Variants in TENM2 observed in about 807,000 individuals in gnomAD.
TENM2 encodes teneurin transmembrane protein 2, also known as teneurin-2.
TENM2 carries 52 observed loss-of-function variants against 245.2 expected under a neutral mutation model. The ratio of observed to expected loss-of-function variants is 0.21; its 90% CI spans 0.17 to 0.27. The LOEUF is 0.27. Ranked by LOEUF, TENM2 falls within the 10% of genes least tolerant of loss-of-function variation. The pLI, the probability that TENM2 is intolerant of heterozygous loss-of-function variation, is 1.00. For synonymous variants in TENM2, 1,363 were observed against 1,438.9 expected, an observed-to-expected ratio of 0.95 and a Z score of 1.19; for missense variants, 3,046 against 3,666.8, an observed-to-expected ratio of 0.83 and a Z score of 4.37.
At chr5:167,695,754 G>A (rs1441892345) in intron 2 of TENM2, among the ~76,000 whole-genome samples, 3 of 151,518 alleles carry the variant, frequency 2.0e-5, no homozygotes, top group African/African-American at 7.3e-5. Context: ...AACAGAATTG[G>A]CTGGGTGCGG....
the TENM2 span, among the ~76,000 whole-genome samples, chr5:167,165,752 A>G: frequency 6.6e-6 from 1 of 152,222 alleles, no homozygotes; most frequent in Non-Finnish European, 1.5e-5. Context: ...ACTGACCACC[A>G]TTGTCAGTGA....
intron 2 of TENM2, among the ~76,000 whole-genome samples, chr5:167,698,946 T>G (rs1191910534): frequency 6.6e-6 from 1 of 152,078 alleles, no homozygotes; most frequent in Non-Finnish European, 1.5e-5. Flanking sequence ...CCTCCCTGAT[T>G]GCTGGGATTA....
At chr5:167,419,483 T>C (rs1227065214) in intron 2 of TENM2, among the ~76,000 whole-genome samples, 1 of 151,952 alleles carries the variant, frequency 6.6e-6, no homozygotes, top group Non-Finnish European at 1.5e-5. Flanking sequence ...TAAATATAGA[T>C]AGATAGATAA....
chr5:167,282,185 A>T (rs1450560739), upstream of TENM2, among the ~76,000 whole-genome samples: 1 of 152,178 alleles, frequency 6.6e-6, no homozygotes, highest in East Asian at 1.9e-4. Context: ...AGATATTGAA[A>T]TTAAAAACTA....
rs765917741 is a variant in TENM2 at position 168,198,974 on chromosome 5, G to A, written c.3022G>A (p.Val1008Met). The change falls in exon 16 of 29, where the codon GTG becomes ATG. Residue 1008 changes from valine to methionine, a missense_variant. Val to Met is a conservative substitution (Grantham distance 21). Coordinates refer to ENST00000518659, the Ensembl canonical transcript of TENM2. Reference sequence around the variant, plus strand: ...CAGCTTTTACGCCATGGACACCCTGGTGATGAAGACCGAGGAGAACTCCAT... The same window carrying A: ...CAGCTTTTACGCCATGGACACCCTGATGATGAAGACCGAGGAGAACTCCAT... The A allele has an allele frequency of 1.7e-5, 27 of 1,613,930 alleles. No homozygotes were observed. In the South Asian group the frequency reaches 2.6e-4, roughly 16 times the overall value.
rs1001043486 is a variant in TENM2 at position 167,752,726 on chromosome 5, C to T, written c.503-123260C>T. On this transcript the variant is annotated intron_variant, in intron 2 of 28. Coordinates refer to ENST00000518659, the Ensembl canonical transcript of TENM2. Reference sequence around the variant, plus strand: ...ACCTATACGTGAGCGTGGCTAGTCACCTAAGCTCTCTGAGTTTCTTTGGAA... The same window carrying T: ...ACCTATACGTGAGCGTGGCTAGTCATCTAAGCTCTCTGAGTTTCTTTGGAA... Among the ~76,000 whole-genome samples the T allele has an allele frequency of 3.9e-5, 6 of 152,306 alleles. No homozygotes were observed. The East Asian group carries it at 1.2e-3, about 29-fold the overall frequency.
chr5:167,088,595 C>T, the TENM2 span, among the ~76,000 whole-genome samples: 1 of 151,854 alleles, frequency 6.6e-6, no homozygotes, highest in South Asian at 2.1e-4. Context: ...CCACTGCACT[C>T]CAGCCTGGGT....
intron 4 of TENM2, among the ~76,000 whole-genome samples, chr5:167,971,801 G>A (rs932853585): frequency 1.3e-5 from 2 of 152,194 alleles, no homozygotes; most frequent in Non-Finnish European, 2.9e-5. Flanking sequence ...GCTGCACAGA[G>A]GCAGAGTTTT....
At chr5:167,063,458 G>A in the TENM2 span, among the ~76,000 whole-genome samples, 3 of 152,120 alleles carry the variant, frequency 2.0e-5, no homozygotes, top group Non-Finnish European at 2.9e-5. Context: ...CTGGAACGAT[G>A]TCTGTGTATC....
chr5:167,383,555 T>A (rs1030426014), intron 2 of TENM2, among the ~76,000 whole-genome samples: 1 of 152,020 alleles, frequency 6.6e-6, no homozygotes, highest in Non-Finnish European at 1.5e-5. Context: ...CCCTCTTCCT[T>A]TCCCAACTTT....
chr5:167,030,090 G>T, the TENM2 span, among the ~76,000 whole-genome samples: 1 of 152,210 alleles, frequency 6.6e-6, no homozygotes, highest in East Asian at 1.9e-4. Flanking sequence ...CTAGGTAATC[G>T]CTGACAACGT....
At chr5:167,023,095 C>A in the TENM2 span, among the ~76,000 whole-genome samples, 127 of 152,262 alleles carry the variant, frequency 8.3e-4, 2 homozygotes, top group African/African-American at 3.0e-3. Flanking sequence ...CTCCCTCCAT[C>A]CCCCTTCTGA....
chr5:167,026,889 G>A, the TENM2 span, among the ~76,000 whole-genome samples: 1 of 152,128 alleles, frequency 6.6e-6, no homozygotes, highest in Non-Finnish European at 1.5e-5. Context: ...CATAGCGAAT[G>A]AGCTACTTGA....
intron 2 of TENM2, among the ~76,000 whole-genome samples, chr5:167,456,513 C>A (rs967480746): frequency 1.6e-4 from 25 of 152,058 alleles, no homozygotes; most frequent in African/African-American, 5.3e-4. Context: ...ATGTACTATG[C>A]CTTTATTCCA....
At chr5:167,095,038 AT>A in the TENM2 span, among the ~76,000 whole-genome samples, 1 of 152,184 alleles carries the variant, frequency 6.6e-6, no homozygotes, top group African/African-American at 2.4e-5. Flanking sequence ...AGAAAAGTAC[AT>A]TATGTACTCT....
intron 2 of TENM2, among the ~76,000 whole-genome samples, chr5:167,433,277 C>G (rs1764357626): frequency 6.6e-6 from 1 of 152,060 alleles, no homozygotes; most frequent in African/African-American, 2.4e-5. Context: ...TGGCCATGTT[C>G]TACAAAGTGT....
intron 24 of TENM2, among the ~76,000 whole-genome samples, chr5:168,227,236 G>T (rs527251460): frequency 1.1e-4 from 16 of 152,190 alleles, no homozygotes; most frequent in Non-Finnish European, 1.5e-4. Flanking sequence ...TGATTGACTC[G>T]TGTAGTTTCC....
At chr5:168,108,859 G>A (rs750522171) in intron 9 of TENM2, among the ~76,000 whole-genome samples, 6 of 151,428 alleles carry the variant, frequency 4.0e-5, no homozygotes, top group Admixed American at 6.6e-5. Context: ...TCTGCACCGC[G>A]GAGAACAATG....
chr5:167,886,701 TTCTTTA>T (rs1215497808), intron 3 of TENM2, among the ~76,000 whole-genome samples: 1 of 152,220 alleles, frequency 6.6e-6, no homozygotes, highest in Non-Finnish European at 1.5e-5. Context: ...AACGATTTAA[TTCTTTA>T]AACCATGTGC....
Sources: allele counts gnomAD v4.1 joint callset (sites outside exome capture counted in the v4.1 genomes callset), GRCh38; gene constraint gnomAD v4.1.1; transcripts MANE v1.5; gene names NCBI Gene and HGNC (gene_info 2026-07-23, HGNC 2026-07-21).